The following RCAN2 variants were observed in gnomAD, a reference collection of about 807,000 sequenced individuals.
RCAN2 encodes the protein regulator of calcineurin 2, also known as calcipressin-2.
In RCAN2, 9 loss-of-function variants were observed where a neutral mutation model predicts 23.6. That is an observed-to-expected ratio of 0.38 (90% CI 0.23 to 0.67). The LOEUF is 0.67. Among genes scored for constraint, RCAN2 ranks in the 30% least tolerant of loss-of-function variants. The pLI, the probability that RCAN2 is intolerant of heterozygous loss-of-function variation, is 0.51. For synonymous variants in RCAN2, 109 were observed against 115.7 expected, an observed-to-expected ratio of 0.94 and a Z score of 0.37; for missense variants, 273 against 302.3, an observed-to-expected ratio of 0.90 and a Z score of 0.72.
intron 2 of RCAN2, among the ~76,000 whole-genome samples, chr6:46,320,560 A>G (rs972530163): frequency 6.6e-6 from 1 of 152,338 alleles, no homozygotes; most frequent in African/African-American, 2.4e-5. Context: ...AAGAAAAATA[A>G]AATGCACAGA....
At chr6:46,472,692 C>T (rs1768598650) in intron 1 of RCAN2, among the ~76,000 whole-genome samples, 1 of 152,134 alleles carries the variant, frequency 6.6e-6, no homozygotes, top group Admixed American at 6.5e-5. Flanking sequence ...ATCTCTAGAA[C>T]TCAACATTGT....
chr6:46,487,980 C>A (rs1233594844), intron 1 of RCAN2, among the ~76,000 whole-genome samples: 2 of 152,166 alleles, frequency 1.3e-5, no homozygotes, highest in Non-Finnish European at 2.9e-5. Flanking sequence ...CATGAATATA[C>A]AGATTTAAAA....
intron 2 of RCAN2, among the ~76,000 whole-genome samples, chr6:46,363,162 TGG>T (rs1765065963): frequency 6.6e-6 from 1 of 152,234 alleles, no homozygotes; most frequent in Non-Finnish European, 1.5e-5. Flanking sequence ...TCACCTTTTC[TGG>T]TGCAGAAATG....
At chr6:46,445,724 T>C (rs1053624033) in intron 2 of RCAN2, among the ~76,000 whole-genome samples, 3 of 151,808 alleles carry the variant, frequency 2.0e-5, no homozygotes, top group African/African-American at 4.8e-5. Flanking sequence ...AAATACGAGA[T>C]GTTGAATTAT....
intron 4 of RCAN2, among the ~76,000 whole-genome samples, chr6:46,230,323 G>A (rs964496391): frequency 6.6e-6 from 1 of 152,206 alleles, no homozygotes; most frequent in Non-Finnish European, 1.5e-5. Context: ...GGATGTGCAA[G>A]TCTGAAGAAG....
At chr6:46,276,835 C>A (rs1767726293) in intron 2 of RCAN2, among the ~76,000 whole-genome samples, 1 of 152,178 alleles carries the variant, frequency 6.6e-6, no homozygotes, top group Admixed American at 6.5e-5. Flanking sequence ...CTTTGCTTCC[C>A]AGATAGGTTG....
At position 46,315,240 on chromosome 6, in the gene RCAN2, C is replaced by T. The variant is rs150633474; in HGVS notation, c.226-66344G>A. ...CACATTTTCTCCATGTTACCATATG[C>T]ATCTCTAGGGATGCAGCAGTAGACA... On this transcript the variant is annotated intron_variant, in intron 2 of 4. Coordinates refer to ENST00000371374, the MANE Select transcript of RCAN2 (RefSeq NM_001251974.2). Among the ~76,000 whole-genome samples, 1,126 of 152,330 alleles carry T rather than the reference C, an allele frequency of 7.4e-3. 10 individuals are homozygous for T. The highest frequency in any genetic ancestry group is 0.026 in the African/African-American group (1,082 of 41,568).
At chr6:46,234,487 A>AC (rs1766020179) in intron 4 of RCAN2, among the ~76,000 whole-genome samples, 1 of 152,128 alleles carries the variant, frequency 6.6e-6, no homozygotes, top group Admixed American at 6.5e-5. Context: ...TCTTACCCAC[A>AC]CAGGGTGGGA....
intron 3 of RCAN2, 126 bp downstream of exon 3, chr6:46,248,597 A>C (rs1239909463): frequency 5.3e-6 from 4 of 751,130 alleles, no homozygotes; most frequent in Non-Finnish European, 8.1e-6. Flanking sequence ...ATGTGGGTCT[A>C]TTTCTCAGTG....
intron 2 of RCAN2, among the ~76,000 whole-genome samples, chr6:46,389,807 T>A (rs1185545270): frequency 6.6e-6 from 1 of 152,106 alleles, no homozygotes; most frequent in Non-Finnish European, 1.5e-5. Flanking sequence ...ATGCCTTTAG[T>A]TAGGTTGCTG....
intron 2 of RCAN2, among the ~76,000 whole-genome samples, chr6:46,422,194 G>T (rs571478744): frequency 7.9e-5 from 12 of 152,180 alleles, no homozygotes; most frequent in Admixed American, 7.2e-4. Context: ...TAGTTCCTGC[G>T]AGAGTTCTCC....
chr6:46,229,292 A>T (rs1187841846), intron 4 of RCAN2, among the ~76,000 whole-genome samples: 2 of 151,968 alleles, frequency 1.3e-5, no homozygotes, highest in Non-Finnish European at 2.9e-5. Context: ...CGTTCTCTGT[A>T]TTTCCTGAAT....
chr6:46,222,078 T>C lies in RCAN2; in HGVS notation c.*1063A>G, dbSNP rs1319400486. 1 of 398,134 alleles carries C rather than the reference T, an allele frequency of 2.5e-6. No individual in the cohort carries two copies. The highest frequency in any genetic ancestry group is 4.4e-6 in the Non-Finnish European group (1 of 225,676). The allele number at this position is 398,134 out of a possible 1,614,324, so 24.7% of individuals were successfully genotyped here. A position where few individuals can be genotyped will look rare whatever the true frequency, so the allele number is the denominator to read the frequency against. On this transcript the variant is annotated 3_prime_UTR_variant, in exon 5 of 5. Coordinates refer to ENST00000371374, the MANE Select transcript of RCAN2 (RefSeq NM_001251974.2). Reference sequence around the variant, plus strand: ...TGCATCTTTATTTAAAAACAAGTGGTCTTGATAGCAAAGATGTTGGCTAAT... The same window carrying C: ...TGCATCTTTATTTAAAAACAAGTGGCCTTGATAGCAAAGATGTTGGCTAAT...
At chr6:46,313,005 C>T (rs1381936791) in intron 2 of RCAN2, among the ~76,000 whole-genome samples, 1 of 152,212 alleles carries the variant, frequency 6.6e-6, no homozygotes, top group Non-Finnish European at 1.5e-5. Context: ...CAAACTCCTT[C>T]ATAATGTGAC....
In RCAN2 at chr6:46,366,502, C is replaced by A. The variant is rs530337465; in HGVS notation, c.225+90250G>T. Among the ~76,000 whole-genome samples the A allele has an allele frequency of 1.4e-4, 22 of 152,210 alleles. No homozygotes were observed. In the East Asian group the frequency reaches 3.5e-3, roughly 24 times the overall value. On this transcript the variant is annotated intron_variant, in intron 2 of 4. Transcript: ENST00000371374. ...TTGTCCAAACTCTACTCAGGCTTCC[C>A]AAAACTTTTCAATTAGGCCTTGATT...
chr6:46,485,764 A>T (rs1768975116), intron 1 of RCAN2, among the ~76,000 whole-genome samples: 1 of 151,856 alleles, frequency 6.6e-6, no homozygotes, highest in Admixed American at 6.6e-5. Flanking sequence ...CTCTGGCAGT[A>T]CCTCTTCTCT....
intron 2 of RCAN2, among the ~76,000 whole-genome samples, chr6:46,436,852 T>C (rs1219461391): frequency 6.6e-6 from 1 of 152,156 alleles, no homozygotes; most frequent in Non-Finnish European, 1.5e-5. Context: ...GAATGACCCT[T>C]GTGGGGATGA....
At chr6:46,356,927 T>C (rs1321515888) in intron 2 of RCAN2, among the ~76,000 whole-genome samples, 1 of 152,214 alleles carries the variant, frequency 6.6e-6, no homozygotes, top group African/African-American at 2.4e-5. Context: ...AGGTGGATCA[T>C]TAAGTAGAGA....
chr6:46,226,146 T>A (rs1422087326), intron 4 of RCAN2, among the ~76,000 whole-genome samples: 1 of 152,200 alleles, frequency 6.6e-6, no homozygotes, highest in African/African-American at 2.4e-5. Context: ...TTGGTCTATA[T>A]CTCCATTTTG....
Sources: allele counts gnomAD v4.1 joint callset (sites outside exome capture counted in the v4.1 genomes callset), GRCh38; gene constraint gnomAD v4.1.1; transcripts MANE v1.5; gene names NCBI Gene and HGNC (gene_info 2026-07-23, HGNC 2026-07-21).